Variants in HNF4A observed in about 807,000 individuals in gnomAD.
HNF4A encodes the protein hepatocyte nuclear factor 4 alpha, also known as hepatocyte nuclear factor 4-alpha.
In HNF4A, 15 loss-of-function variants were observed where a neutral mutation model predicts 52.4. The ratio of observed to expected loss-of-function variants is 0.29; its 90% CI spans 0.19 to 0.44. The LOEUF is 0.44. Among genes scored for constraint, HNF4A ranks in the 20% least tolerant of loss-of-function variants. The pLI, the probability that HNF4A is intolerant of heterozygous loss-of-function variation, is 1.00. For missense variants in HNF4A, 479 were observed against 647.2 expected, an observed-to-expected ratio of 0.74 and a Z score of 2.82; for synonymous variants, 280 against 264.4, an observed-to-expected ratio of 1.06 and a Z score of -0.57.
intron 1 of HNF4A, among the ~76,000 whole-genome samples, chr20:44,376,388 G>A (rs917733028): frequency 2.0e-5 from 3 of 152,050 alleles, no homozygotes; most frequent in Non-Finnish European, 4.4e-5. Context: ...GTCTGTCGCT[G>A]GTATGTAGGA....
At chr20:44,404,060 G>A (rs1276679568) in intron 1 of HNF4A, among the ~76,000 whole-genome samples, 1 of 152,196 alleles carries the variant, frequency 6.6e-6, no homozygotes, top group Admixed American at 6.5e-5. Flanking sequence ...GGGACACCTG[G>A]GAGTCTGCGA....
At chr20:44,387,734 A>AAG (rs3038637) in intron 1 of HNF4A, among the ~76,000 whole-genome samples, 1 of 145,778 alleles carries the variant, frequency 6.9e-6, no homozygotes, top group East Asian at 2.0e-4. Flanking sequence ...AAAAAAAAAA[A>AAG]GGGAAGAAGT....
At chr20:44,369,018 C>T (rs577344496) in intron 1 of HNF4A, among the ~76,000 whole-genome samples, 5 of 151,894 alleles carry the variant, frequency 3.3e-5, no homozygotes, top group Admixed American at 6.6e-5. Flanking sequence ...GAGGCCGAGG[C>T]GGGCAGATCA....
rs1309653628 is a variant in HNF4A, at chr20:44,421,538, G to GA, written c.892+1663dup. On this transcript the variant is annotated intron_variant, in intron 7 of 9. Transcript: ENST00000316099. ...GGAGACTGAGGCAGGCAGATTACTT[G>GA]ACGTCAGGAGTTCAAGACCAGCCTG... Among the ~76,000 whole-genome samples the GA allele has an allele frequency of 1.4e-4, 21 of 152,092 alleles. No homozygotes were observed. In the East Asian group the frequency reaches 3.9e-3, roughly 28 times the overall value.
rs2146493727 is a variant in HNF4A at position 44,429,895 on chromosome 20, G to A, written c.*230G>A. 2 of 562,394 alleles carry A rather than the reference G, an allele frequency of 3.6e-6. No individual in the cohort carries two copies. Among genetic ancestry groups the A allele is most frequent in the South Asian group, 4.6e-5 (2 of 43,210 alleles). The allele number at this position is 562,394 out of a possible 1,614,324, so 34.8% of individuals were successfully genotyped here. A position where few individuals can be genotyped will look rare whatever the true frequency, so the allele number is the denominator to read the frequency against. On this transcript the variant is annotated 3_prime_UTR_variant, in exon 10 of 10. Coordinates refer to ENST00000316099, the MANE Select transcript of HNF4A (RefSeq NM_000457.6). ...GACTTGGGGAGACCTCTACTGCCTT[G>A]GACAACTTTTCTCATGTTGAAGCCA...
chr20:44,392,920 C>T (rs2063317858), intron 1 of HNF4A, among the ~76,000 whole-genome samples: 1 of 152,202 alleles, frequency 6.6e-6, no homozygotes, highest in Non-Finnish European at 1.5e-5. Context: ...GGTTTCCATC[C>T]CTACCTGCCC....
At chr20:44,374,064 A>G (rs1043640310) in intron 1 of HNF4A, among the ~76,000 whole-genome samples, 5 of 152,150 alleles carry the variant, frequency 3.3e-5, no homozygotes, top group African/African-American at 1.2e-4. Context: ...GTGACACTGA[A>G]GTTTAGGCTA....
intron 6 of HNF4A, among the ~76,000 whole-genome samples, chr20:44,419,066 G>A (rs142394649): frequency 5.2e-4 from 79 of 152,252 alleles, no homozygotes; most frequent in East Asian, 3.1e-3. Context: ...GTGAGCCACC[G>A]CGCCTGGCCT....
At chr20:44,402,815 G>A (rs2063430148) in intron 1 of HNF4A, among the ~76,000 whole-genome samples, 1 of 152,180 alleles carries the variant, frequency 6.6e-6, no homozygotes. Context: ...CTCCAGCTGA[G>A]GTCTGGAATC....
At chr20:44,385,059 C>CTTTTTTTTTGTTTTTTTTTTTTT (rs2063204335) in intron 1 of HNF4A, among the ~76,000 whole-genome samples, 1 of 34,970 alleles carries the variant, frequency 2.9e-5, no homozygotes, top group Non-Finnish European at 4.6e-5. Flanking sequence ...ACTCTGTGAT[C>CTTTTTTTTTGTTTTTTTTTTTTT]TTTTTTTTTT....
At chr20:44,374,074 A>G (rs749046834) in intron 1 of HNF4A, among the ~76,000 whole-genome samples, 2 of 152,314 alleles carry the variant, frequency 1.3e-5, no homozygotes, top group African/African-American at 2.4e-5. Flanking sequence ...AGTTTAGGCT[A>G]TGATTGAGCT....
At chr20:44,373,193 G>A (rs761288060) in intron 1 of HNF4A, among the ~76,000 whole-genome samples, 16 of 152,164 alleles carry the variant, frequency 1.1e-4, no homozygotes, top group African/African-American at 1.7e-4. Flanking sequence ...TGTGTCACCC[G>A]GGCTGGAGTG....
upstream of HNF4A, among the ~76,000 whole-genome samples, chr20:44,396,267 G>A (rs1252209286): frequency 6.6e-6 from 1 of 152,122 alleles, no homozygotes; most frequent in African/African-American, 2.4e-5. Context: ...ATCTCAACAG[G>A]CAGATAATAT....
chr20:44,420,972 T>C (rs1421736443), intron 7 of HNF4A, among the ~76,000 whole-genome samples: 2 of 152,198 alleles, frequency 1.3e-5, no homozygotes, highest in African/African-American at 4.8e-5. Flanking sequence ...CAATTCTAAA[T>C]GAAAGACAAA....
chr20:44,360,524 G>A (rs938816151), intron 1 of HNF4A, among the ~76,000 whole-genome samples: 1 of 152,166 alleles, frequency 6.6e-6, no homozygotes, highest in East Asian at 1.9e-4. Context: ...TTAGGGGAAG[G>A]ATGGATGGAC....
At chr20:44,365,900 G>A (rs561013787) in intron 1 of HNF4A, among the ~76,000 whole-genome samples, 2 of 152,078 alleles carry the variant, frequency 1.3e-5, no homozygotes, top group East Asian at 1.9e-4. Flanking sequence ...CCACCTACTC[G>A]GGAGGCTGAG....
chr20:44,391,502 G>A (rs949653886), intron 1 of HNF4A: 4 of 152,408 alleles, frequency 2.6e-5, no homozygotes, highest in South Asian at 2.1e-4. Context: ...TTTCTGGGCC[G>A]GGCTTCATGG....
At chr20:44,356,453 A>G (rs2062859779) in intron 1 of HNF4A, among the ~76,000 whole-genome samples, 1 of 151,934 alleles carries the variant, frequency 6.6e-6, no homozygotes, top group South Asian at 2.1e-4. Flanking sequence ...CCTTAGGGTG[A>G]CCCCCACATT....
At chr20:44,414,063 G>A (rs2146414292) in intron 4 of HNF4A, among the ~76,000 whole-genome samples, 1 of 152,338 alleles carries the variant, frequency 6.6e-6, no homozygotes, top group Admixed American at 6.5e-5. Context: ...TTCACTGAGG[G>A]CCTGCGATCA....
Sources: allele counts gnomAD v4.1 joint callset (sites outside exome capture counted in the v4.1 genomes callset), GRCh38; gene constraint gnomAD v4.1.1; transcripts MANE v1.5; gene names NCBI Gene and HGNC (gene_info 2026-07-23, HGNC 2026-07-21).